Variants in EIF2A observed in about 807,000 individuals in gnomAD.
EIF2A encodes eukaryotic translation initiation factor 2A, also known as 65 kDa eukaryotic translation initiation factor 2A.
EIF2A carries 62 observed loss-of-function variants against 75.2 expected under a neutral mutation model. The observed-to-expected ratio is 0.82, with a 90% confidence interval of 0.67 to 1.02. The LOEUF (loss-of-function observed/expected upper bound fraction) is 1.02, where lower values mean the gene tolerates loss of function less well. EIF2A is among the 50% of genes least tolerant of loss of function. EIF2A has a pLI of 0.00. For synonymous variants in EIF2A, 207 were observed against 239.0 expected (o/e 0.87, Z 1.23); for missense variants, 611 against 677.7 (o/e 0.90, Z 1.09).
chr3:150,576,436 AAAAG>A (rs1199149439), intron 11 of EIF2A, among the ~76,000 whole-genome samples: 1 of 152,220 alleles, frequency 6.6e-6, no homozygotes, highest in African/African-American at 2.4e-5. Flanking sequence ...ACTCGAAAAA[AAAAG>A]AAAAAAAGCA....
chr3:150,564,503 T>TA, intron 6 of EIF2A, 122 bp downstream of exon 6: 1 of 650,596 alleles, frequency 1.5e-6, no homozygotes, highest in East Asian at 3.1e-5. Context: ...TAATTACTCT[T>TA]ACATACATTT....
At chr3:150,579,308 C>G (rs1485369741) in intron 11 of EIF2A, among the ~76,000 whole-genome samples, 1 of 152,068 alleles carries the variant, frequency 6.6e-6, no homozygotes, top group African/African-American at 2.4e-5. Context: ...AGAGGAGAAA[C>G]TTAATATTTT....
intron 11 of EIF2A, 69 bp from the exon 12 acceptor site, chr3:150,581,549 G>T: frequency 6.6e-7 from 1 of 1,507,094 alleles, no homozygotes; most frequent in Non-Finnish European, 8.9e-7. Flanking sequence ...ATATGCCAAA[G>T]CTATGTTGAT....
In EIF2A at chr3:150,583,186, T is replaced by C. The variant is rs756440239; in HGVS notation, c.1627-14T>C. 1.4e-5 allele frequency: 22 copies of C among 1,609,770 alleles called. No homozygotes were observed. The highest frequency in any genetic ancestry group is 1.6e-4 in the Middle Eastern group (1 of 6,070). ...TTTTCTTCCATGCTCTTGACTCATA[T>C]TTGATGTTTGCAGAAACTGAAAGCA... On this transcript the variant is annotated splice_polypyrimidine_tract_variant and intron_variant, in intron 12 of 13. Transcript: ENST00000460851.
chr3:150,578,283 T>A (rs970725312), intron 11 of EIF2A, among the ~76,000 whole-genome samples: 5 of 148,650 alleles, frequency 3.4e-5, no homozygotes, highest in Admixed American at 6.7e-5. Flanking sequence ...TACATATGAT[T>A]ATAATTATTA....
chr3:150,584,515 T>C lies in EIF2A; in HGVS notation c.*604T>C, dbSNP rs183173051. Among the ~76,000 whole-genome samples, 1 of 152,304 alleles carries C rather than the reference T, an allele frequency of 6.6e-6. No homozygotes were observed. The highest frequency in any genetic ancestry group is 1.9e-4 in the East Asian group (1 of 5,172). On this transcript the variant is annotated 3_prime_UTR_variant, in exon 14 of 14. Transcript: ENST00000460851. ...TATCATTTAGTAACACTAAGCACCC[T>C]GCTTAGTTTTCATGGATACTGCCAA...
At chr3:150,575,800 C>A in intron 11 of EIF2A, 38 bp downstream of exon 11, 3 of 1,539,256 alleles carry the variant, frequency 1.9e-6, no homozygotes, top group Non-Finnish European at 1.8e-6. Context: ...AACAAATAGT[C>A]AGTTATGGCC....
chr3:150,546,972 C>G lies in EIF2A; in HGVS notation c.28+142C>G. On this transcript the variant is annotated intron_variant, in intron 1 of 13. Coordinates refer to ENST00000460851, the MANE Select transcript of EIF2A (RefSeq NM_032025.5). ...GCGGAAAGGCCAGACTGTTGGCTTT[C>G]TTGATATAGCGTGGCAATCGGAAGT... 2.6e-6 allele frequency: 3 copies of G among 1,137,600 alleles called. No homozygotes were observed. The South Asian group carries it at 4.3e-5, about 16-fold the overall frequency. 70.5% of individuals were successfully genotyped at this position (1,137,600 alleles called of 1,614,324 possible).
chr3:150,575,795 A>G (rs752000682), intron 11 of EIF2A, 33 bp downstream of exon 11: 1 of 1,557,802 alleles, frequency 6.4e-7, no homozygotes, highest in Non-Finnish European at 8.7e-7. Flanking sequence ...AACAAAACAA[A>G]TAGTCAGTTA....
Position 150,572,138 on chromosome 3 carries a change from T to A in EIF2A, c.992T>A (p.Leu331Ter). Residue 331 changes from leucine to a stop codon, truncating the protein, a stop_gained, in exon 10 of 14, where the codon TTA becomes TAA. Coordinates refer to ENST00000460851, the MANE Select transcript of EIF2A (RefSeq NM_032025.5). LOFTEE classifies it high-confidence loss of function. ...YYSPHGHILV[L>*]AGFGNLRGQM... ...AGCCCTCATGGACATATATTAGTAT[T>A]AGCTGGATTTGGAAATCTGAGGGGA... The A allele has an allele frequency of 6.2e-7, 1 of 1,613,998 alleles. No individual in the cohort carries two copies. The highest frequency in any genetic ancestry group is 1.1e-5 in the South Asian group (1 of 91,080).
intron 3 of EIF2A, among the ~76,000 whole-genome samples, chr3:150,559,025 T>G (rs1036335026): frequency 6.6e-6 from 1 of 152,196 alleles, no homozygotes; most frequent in African/African-American, 2.4e-5. Flanking sequence ...TTTTTAATTT[T>G]TCAAGAGTTA....
At chr3:150,563,716 A>G in intron 5 of EIF2A, 102 bp downstream of exon 5, 2 of 956,094 alleles carry the variant, frequency 2.1e-6, no homozygotes, top group Non-Finnish European at 3.0e-6. Context: ...ATAACTTATC[A>G]GACAAAAATC....
intron 12 of EIF2A, among the ~76,000 whole-genome samples, chr3:150,582,697 A>T (rs186539768): frequency 6.6e-6 from 1 of 152,306 alleles, no homozygotes; most frequent in East Asian, 1.9e-4. Flanking sequence ...GAAGATGAAG[A>T]GACAGAGACA....
chr3:150,583,978 T>C lies in EIF2A; in HGVS notation c.*67T>C. 6.8e-7 allele frequency: 1 copy of C among 1,474,926 alleles called. No homozygotes were observed. The highest frequency in any genetic ancestry group is 2.3e-5 in the East Asian group (1 of 44,018). The allele number at this position is 1,474,926 out of a possible 1,614,324, so 91.4% of individuals were successfully genotyped here. A position where few individuals can be genotyped will look rare whatever the true frequency, so the allele number is the denominator to read the frequency against. ...ACACATCTTCTGTTAAACCCATTGG[T>C]ATACACAGAATATTCCTGTGCCCAC... On this transcript the variant is annotated 3_prime_UTR_variant, in exon 14 of 14. Coordinates refer to ENST00000460851, the MANE Select transcript of EIF2A (RefSeq NM_032025.5).
At chr3:150,567,468 G>T in intron 6 of EIF2A, 1 of 441,546 alleles carries the variant, frequency 2.3e-6, no homozygotes, top group Non-Finnish European at 4.0e-6. Context: ...CCCATTACTT[G>T]CCTAAGCTCA....
At chr3:150,563,096 ATACT>A (rs1274160974) in intron 4 of EIF2A, among the ~76,000 whole-genome samples, 11 of 152,304 alleles carry the variant, frequency 7.2e-5, no homozygotes, top group East Asian at 1.9e-4. Flanking sequence ...ATTTAAAGAG[ATACT>A]TAATGATAAT....
At position 150,584,555 on chromosome 3, in the gene EIF2A, A is replaced by G. The variant is rs1273999814; in HGVS notation, c.*644A>G. 6.6e-6 allele frequency among the ~76,000 whole-genome samples: 1 copy of G among 152,196 alleles called. No individual in the cohort carries two copies. The highest frequency in any genetic ancestry group is 2.4e-5 in the African/African-American group (1 of 41,444). ...GATACTGCCAAATTGCCCTATCTCA[A>G]GCTTTATACTTGCACCATTTAAAGT... On this transcript the variant is annotated 3_prime_UTR_variant, in exon 14 of 14. Transcript: ENST00000460851.
intron 3 of EIF2A, among the ~76,000 whole-genome samples, chr3:150,559,634 G>A (rs555770500): frequency 6.6e-6 from 1 of 151,698 alleles, no homozygotes; most frequent in South Asian, 2.1e-4. Context: ...GAGACTACAG[G>A]CAGACAACAC....
At chr3:150,583,548 G>C (rs1725308850) in intron 13 of EIF2A, among the ~76,000 whole-genome samples, 1 of 152,058 alleles carries the variant, frequency 6.6e-6, no homozygotes, top group Non-Finnish European at 1.5e-5. Context: ...ACAAATATAA[G>C]ATTCTCTCAA....
Sources: gnomAD v4.1 joint callset for allele counts (sites outside exome capture counted in the v4.1 genomes callset) on GRCh38, gnomAD v4.1.1 for gene constraint, MANE v1.5 for transcripts, NCBI Gene and HGNC (gene_info 2026-07-23, HGNC 2026-07-21) for gene names.